PLXNA4: variants seen among roughly 807,000 people sequenced by gnomAD.
PLXNA4 encodes the protein plexin-A4.
PLXNA4 carries 44 observed loss-of-function variants against 191.8 expected under a neutral mutation model. The observed-to-expected ratio is 0.23, with a 90% confidence interval of 0.18 to 0.29. The LOEUF (loss-of-function observed/expected upper bound fraction) is 0.29, where lower values mean the gene tolerates loss of function less well. Ranked by LOEUF, PLXNA4 falls within the 10% of genes least tolerant of loss-of-function variation. PLXNA4 has a pLI of 1.00. For synonymous variants in PLXNA4, 1,082 were observed against 1,009.5 expected (o/e 1.07, Z -1.36); for missense variants, 1,800 against 2,488.8 (o/e 0.72, Z 5.89).
At position 132,522,489 on chromosome 7, in the gene PLXNA4, C is replaced by A. The variant is rs569965743; in HGVS notation, c.-86-13710G>T. Among the ~76,000 whole-genome samples the A allele has an allele frequency of 2.6e-5, 4 of 152,350 alleles. No individual in the cohort carries two copies. In the South Asian group the frequency reaches 6.2e-4, roughly 24 times the overall value. On this transcript the variant is annotated intron_variant, in intron 1 of 31. Transcript: ENST00000321063. ...CTTTCCTAATAAACTCCAAAGCTGGCTGGGTGTGTTGACTCACGCCTGTAA... is the reference window on the plus strand; with the variant it reads ...CTTTCCTAATAAACTCCAAAGCTGGATGGGTGTGTTGACTCACGCCTGTAA...
intron 13 of PLXNA4, 151 bp downstream of exon 13, chr7:132,198,334 G>A (rs530264504): frequency 1.8e-6 from 2 of 1,095,018 alleles, no homozygotes; most frequent in East Asian, 5.4e-5. Flanking sequence ...GGAGTTGTGG[G>A]AGTCCACCCT....
At chr7:132,584,293 C>A (rs1488473748) in intron 2 of PLXNA4, among the ~76,000 whole-genome samples, 1 of 152,208 alleles carries the variant, frequency 6.6e-6, no homozygotes, top group Non-Finnish European at 1.5e-5. Context: ...GGTAAGGAGC[C>A]TTTACTCGTG....
At chr7:132,392,307 A>C (rs1793530645) in intron 3 of PLXNA4, among the ~76,000 whole-genome samples, 1 of 152,224 alleles carries the variant, frequency 6.6e-6, no homozygotes, top group Admixed American at 6.5e-5. Flanking sequence ...TGAAGAAATG[A>C]AGGAATGGAA....
At chr7:132,199,855 T>C (rs1797376127) in intron 12 of PLXNA4, among the ~76,000 whole-genome samples, 1 of 152,174 alleles carries the variant, frequency 6.6e-6, no homozygotes, top group Non-Finnish European at 1.5e-5. Flanking sequence ...CCGTGAGGGT[T>C]GGTGTGATTG....
At chr7:132,614,064 T>C (rs1803104716) in intron 2 of PLXNA4, among the ~76,000 whole-genome samples, 2 of 152,234 alleles carry the variant, frequency 1.3e-5, no homozygotes, top group Non-Finnish European at 1.5e-5. Context: ...GAATGTGCTT[T>C]CACCCAGTGC....
intron 4 of PLXNA4, among the ~76,000 whole-genome samples, chr7:132,287,822 G>A (rs548596771): frequency 6.6e-6 from 1 of 152,314 alleles, no homozygotes; most frequent in African/African-American, 2.4e-5. Flanking sequence ...AGGTTGCAAA[G>A]GGGCACTTGT....
At chr7:132,178,713 T>G (rs373121137) in intron 20 of PLXNA4, among the ~76,000 whole-genome samples, 3 of 112,098 alleles carry the variant, frequency 2.7e-5, no homozygotes, top group African/African-American at 1.1e-4. Flanking sequence ...CACATACACA[T>G]ACACACACAC....
At chr7:132,327,779 C>T (rs1322083471) in intron 3 of PLXNA4, among the ~76,000 whole-genome samples, 1 of 152,184 alleles carries the variant, frequency 6.6e-6, no homozygotes, top group Non-Finnish European at 1.5e-5. Flanking sequence ...CAGAGCAGAG[C>T]ACACGGTCCA....
At chr7:132,201,384 T>C (rs1187795486) in intron 12 of PLXNA4, among the ~76,000 whole-genome samples, 1 of 152,104 alleles carries the variant, frequency 6.6e-6, no homozygotes, top group Non-Finnish European at 1.5e-5. Context: ...GGTGTAAAGG[T>C]GTGGTGCAAC....
intron 4 of PLXNA4, among the ~76,000 whole-genome samples, chr7:132,276,177 C>T (rs1295163146): frequency 6.6e-6 from 1 of 152,172 alleles, no homozygotes; most frequent in East Asian, 1.9e-4. Flanking sequence ...AATGCATGAG[C>T]ATAGCCTGTT....
chr7:132,317,438 T>C (rs903089026), intron 3 of PLXNA4, among the ~76,000 whole-genome samples: 1 of 152,046 alleles, frequency 6.6e-6, no homozygotes, highest in South Asian at 2.1e-4. Context: ...TTGTGTTGGA[T>C]TGTATTGAAT....
At chr7:132,151,050 G>A (rs1795581668) in intron 25 of PLXNA4, among the ~76,000 whole-genome samples, 1 of 152,224 alleles carries the variant, frequency 6.6e-6, no homozygotes, top group Non-Finnish European at 1.5e-5. Flanking sequence ...CCAATATGGA[G>A]AGAGGGGGCT....
At chr7:132,534,138 T>C (rs1799737275) in intron 1 of PLXNA4, among the ~76,000 whole-genome samples, 1 of 151,746 alleles carries the variant, frequency 6.6e-6, no homozygotes, top group East Asian at 1.9e-4. Context: ...TGTGTAGTAG[T>C]AAAGAGGAGA....
At chr7:132,175,174 G>T (rs528876749) in intron 20 of PLXNA4, among the ~76,000 whole-genome samples, 1 of 152,144 alleles carries the variant, frequency 6.6e-6, no homozygotes, top group Non-Finnish European at 1.5e-5. Flanking sequence ...GATGATGTGG[G>T]GTGGTGGCTG....
chr7:132,497,716 A>G (rs1798083442), intron 2 of PLXNA4, among the ~76,000 whole-genome samples: 1 of 152,182 alleles, frequency 6.6e-6, no homozygotes, highest in African/African-American at 2.4e-5. Flanking sequence ...CGCTGGCCCT[A>G]TGAGATTGAA....
intron 3 of PLXNA4, among the ~76,000 whole-genome samples, chr7:132,479,855 G>A (rs192895037): frequency 3.9e-5 from 6 of 152,104 alleles, no homozygotes; most frequent in Admixed American, 1.3e-4. Context: ...ACAGGGTTTT[G>A]CCATGTTGCC....
chr7:132,240,986 G>T (rs555100803), intron 5 of PLXNA4, 80 bp downstream of exon 5: 2 of 939,186 alleles, frequency 2.1e-6, no homozygotes, highest in South Asian at 2.0e-5. Flanking sequence ...AAAGGGAAGG[G>T]CAGTGATGAC....
intron 2 of PLXNA4, among the ~76,000 whole-genome samples, chr7:132,609,573 T>G (rs182830825): frequency 2.0e-4 from 30 of 152,352 alleles, no homozygotes; most frequent in East Asian, 7.7e-4. Flanking sequence ...GAGCTATCAC[T>G]GCAGATGGCC....
intron 14 of PLXNA4, among the ~76,000 whole-genome samples, chr7:132,189,332 G>T (rs1219035958): frequency 6.6e-6 from 1 of 152,040 alleles, no homozygotes; most frequent in Non-Finnish European, 1.5e-5. Flanking sequence ...ATTTCACGGT[G>T]GGTTTGCACA....
Sources: allele counts gnomAD v4.1 joint callset (sites outside exome capture counted in the v4.1 genomes callset), GRCh38; gene constraint gnomAD v4.1.1; transcripts MANE v1.5; gene names NCBI Gene and HGNC (gene_info 2026-07-23, HGNC 2026-07-21).